Variants in LSAMP observed in about 807,000 individuals in gnomAD.
LSAMP encodes the protein limbic system-associated membrane protein.
Under a neutral mutation model 38.6 loss-of-function variants are expected in LSAMP, and 7 were observed. The observed-to-expected ratio is 0.18, with a 90% CI of 0.10 to 0.34. LSAMP has a LOEUF of 0.34. Among genes scored for constraint, LSAMP ranks in the 10% least tolerant of loss-of-function variants. LSAMP has a pLI of 1.00. For missense variants in LSAMP, 313 were observed against 420.0 expected (o/e 0.75, Z 2.23); for synonymous variants, 154 against 166.8 (o/e 0.92, Z 0.59).
chr3:116,135,703 A>G (rs1709232549), intron 1 of LSAMP, among the ~76,000 whole-genome samples: 1 of 152,194 alleles, frequency 6.6e-6, no homozygotes, highest in Non-Finnish European at 1.5e-5. Flanking sequence ...AAAAACAACC[A>G]GAAGCCTAAA....
At chr3:116,231,290 G>GA (rs1229382349) in intron 1 of LSAMP, among the ~76,000 whole-genome samples, 1 of 152,174 alleles carries the variant, frequency 6.6e-6, no homozygotes, top group Non-Finnish European at 1.5e-5. Flanking sequence ...AATCATTGAT[G>GA]ATAAGAGCTT....
intron 3 of LSAMP, among the ~76,000 whole-genome samples, chr3:115,920,391 T>C (rs1458357997): frequency 6.6e-6 from 1 of 152,206 alleles, no homozygotes; most frequent in Non-Finnish European, 1.5e-5. Context: ...CTTTTTTTAA[T>C]ATGACCATTC....
chr3:116,005,258 C>T lies in LSAMP; in HGVS notation c.514+14257G>A, dbSNP rs142528718. On this transcript the variant is annotated intron_variant, in intron 3 of 6. Transcript: ENST00000490035. ...CTTCAAACCCAGAAAGGTACCACCT[C>T]AGGCAACTGAGATCAATAATAAATT... Among the ~76,000 whole-genome samples the T allele has an allele frequency of 4.7e-3, 710 of 152,252 alleles. 2 individuals carry two copies. Among genetic ancestry groups the T allele is most frequent in the South Asian group, 8.9e-3 (43 of 4,808 alleles).
intron 3 of LSAMP, among the ~76,000 whole-genome samples, chr3:115,909,749 A>C (rs936775630): frequency 6.6e-6 from 1 of 152,186 alleles, no homozygotes; most frequent in Non-Finnish European, 1.5e-5. Context: ...TTAAAGAGAT[A>C]ATATAATCTG....
intron 2 of LSAMP, among the ~76,000 whole-genome samples, chr3:116,052,325 T>C (rs535923047): frequency 1.3e-5 from 2 of 152,240 alleles, no homozygotes; most frequent in African/African-American, 4.8e-5. Context: ...GGGTAGGGGA[T>C]GAACACCCCA....
intron 3 of LSAMP, among the ~76,000 whole-genome samples, chr3:115,965,669 C>T (rs1576264181): frequency 6.9e-6 from 1 of 144,064 alleles, no homozygotes; most frequent in African/African-American, 2.5e-5. Flanking sequence ...GAATACAAAA[C>T]TCTTAAAGTC....
chr3:116,346,644 A>T (rs2048067947), intron 1 of LSAMP, among the ~76,000 whole-genome samples: 1 of 152,148 alleles, frequency 6.6e-6, no homozygotes. Flanking sequence ...TTTAGAAGTA[A>T]AACAGTTGCT....
intron 1 of LSAMP, among the ~76,000 whole-genome samples, chr3:116,424,429 C>T (rs769151948): frequency 2.0e-5 from 3 of 152,092 alleles, no homozygotes; most frequent in Non-Finnish European, 2.9e-5. Flanking sequence ...TTTCCATAGT[C>T]GTACCTTCTC....
chr3:116,280,805 C>T (rs1014038103), intron 1 of LSAMP, among the ~76,000 whole-genome samples: 1 of 152,178 alleles, frequency 6.6e-6, no homozygotes, highest in Non-Finnish European at 1.5e-5. Context: ...CCATTCGGCA[C>T]AAACTTAAGC....
chr3:116,417,860 C>T (rs2049072457), intron 1 of LSAMP, among the ~76,000 whole-genome samples: 1 of 152,100 alleles, frequency 6.6e-6, no homozygotes, highest in Non-Finnish European at 1.5e-5. Context: ...AGTATCAGTG[C>T]CTAGGTCCTG....
At chr3:116,245,199 G>GT (rs2046589089) in intron 1 of LSAMP, among the ~76,000 whole-genome samples, 2 of 152,140 alleles carry the variant, frequency 1.3e-5, no homozygotes, top group African/African-American at 4.8e-5. Flanking sequence ...AAGACCATGT[G>GT]AAGGCACAGG....
intron 1 of LSAMP, among the ~76,000 whole-genome samples, chr3:116,096,826 C>G (rs1407370722): frequency 6.6e-6 from 1 of 152,146 alleles, no homozygotes; most frequent in Non-Finnish European, 1.5e-5. Flanking sequence ...AACAACAAGG[C>G]CTATTCTGTC....
chr3:116,011,673 C>T (rs371651171), intron 3 of LSAMP, among the ~76,000 whole-genome samples: 1 of 152,102 alleles, frequency 6.6e-6, no homozygotes, highest in African/African-American at 2.4e-5. Context: ...GGCTGAACTA[C>T]ATTGTGACAA....
intron 3 of LSAMP, among the ~76,000 whole-genome samples, chr3:115,867,013 C>G (rs758823779): frequency 1.3e-5 from 2 of 151,858 alleles, no homozygotes; most frequent in Non-Finnish European, 2.9e-5. Context: ...GAGGATGCTG[C>G]TAGGGGAAGA....
intron 3 of LSAMP, among the ~76,000 whole-genome samples, chr3:115,925,409 G>T (rs1937476278): frequency 6.6e-6 from 1 of 152,154 alleles, no homozygotes; most frequent in South Asian, 2.1e-4. Context: ...TAAGTTAGAA[G>T]ATAGAATTTT....
At chr3:116,247,586 T>C (rs539784247) in intron 1 of LSAMP, among the ~76,000 whole-genome samples, 164 of 152,280 alleles carry the variant, frequency 1.1e-3, no homozygotes, top group South Asian at 2.7e-3. Context: ...ACAAAGTAGA[T>C]AACATTTTAG....
At chr3:116,103,666 C>T (rs1237313997) in intron 1 of LSAMP, among the ~76,000 whole-genome samples, 1 of 150,900 alleles carries the variant, frequency 6.6e-6, no homozygotes, top group Non-Finnish European at 1.5e-5. Context: ...GTGTGAGTCC[C>T]TTAAAGTCCC....
intron 3 of LSAMP, among the ~76,000 whole-genome samples, chr3:115,895,839 C>T (rs1018987969): frequency 6.6e-6 from 1 of 152,070 alleles, no homozygotes; most frequent in Admixed American, 6.6e-5. Flanking sequence ...AGTAGTAAAA[C>T]ATTTTACATT....
At chr3:116,209,491 G>A (rs2046123161) in intron 1 of LSAMP, among the ~76,000 whole-genome samples, 1 of 152,156 alleles carries the variant, frequency 6.6e-6, no homozygotes, top group African/African-American at 2.4e-5. Context: ...TATGCATATA[G>A]TTTTCCAGTC....
Sources: allele counts gnomAD v4.1 joint callset (sites outside exome capture counted in the v4.1 genomes callset), GRCh38; gene constraint gnomAD v4.1.1; transcripts MANE v1.5; gene names NCBI Gene and HGNC (gene_info 2026-07-23, HGNC 2026-07-21).